Variants in KCNA2 observed in about 807,000 individuals in gnomAD.
KCNA2 encodes the protein potassium voltage-gated channel subfamily A member 2.
In KCNA2, 11 loss-of-function variants were observed where a neutral mutation model predicts 33.4. The ratio of observed to expected loss-of-function variants is 0.33; its 90% CI spans 0.21 to 0.55. The LOEUF is 0.55. KCNA2 is among the 20% of genes least tolerant of loss of function. The probability of loss-of-function intolerance (pLI) is 0.93; values close to 1 mark genes in which losing one functional copy is unlikely to be tolerated. For synonymous variants in KCNA2, 222 were observed against 231.3 expected (o/e 0.96, Z 0.37); for missense variants, 291 against 621.6 (o/e 0.47, Z 5.66).
rs1649266375 is a variant in KCNA2, at chr1:110,599,988, G to C, written c.*3295C>G. ...TCTTAGTCAGATATCTGCTTGATGT[G>C]GTGGCCCATCCTCCTGCTTGAAACC... On this transcript the variant is annotated 3_prime_UTR_variant, in exon 3 of 3. Coordinates refer to ENST00000316361, the MANE Select transcript of KCNA2 (RefSeq NM_004974.4). The C allele has an allele frequency of 2.0e-6, 2 of 985,110 alleles. No individual in the cohort carries two copies. Among genetic ancestry groups the C allele is most frequent in the South Asian group, 4.7e-5 (1 of 21,284 alleles). 61.0% of individuals were successfully genotyped at this position (985,110 alleles called of 1,614,324 possible).
At position 110,605,538 on chromosome 1, in the gene KCNA2, C is replaced by T. The variant is rs1479127648; in HGVS notation, c.-311G>A. ...GAGTCATTCTGGGCAGAAGGGCAGA[C>T]TCTGGGTCCTGGAGGTGAGCTCTAG... On this transcript the variant is annotated 5_prime_UTR_variant, in exon 2 of 3. Coordinates refer to ENST00000316361, the MANE Select transcript of KCNA2 (RefSeq NM_004974.4). The T allele has an allele frequency of 6.6e-6, 1 of 152,558 alleles. No individual in the cohort carries two copies. The highest frequency in any genetic ancestry group is 1.5e-5 in the Non-Finnish European group (1 of 68,282). 9.5% of individuals were successfully genotyped at this position (152,558 alleles called of 1,614,324 possible).
intron 1 of KCNA2, among the ~76,000 whole-genome samples, chr1:110,615,645 C>T (rs1230370376): frequency 1.3e-5 from 2 of 152,176 alleles, no homozygotes; most frequent in Admixed American, 6.5e-5. Context: ...TTTGGTGCTT[C>T]GATCGACCCA....
At chr1:110,606,997 G>A (rs67988745), upstream of KCNA2, 24,946 of 152,656 alleles carry the variant, frequency 0.16, 2,721 homozygotes, top group East Asian at 0.37. Context: ...CCTCCGCCCC[G>A]CGCCACGCAA....
rs1017816495 is a variant in KCNA2, at chr1:110,603,287, A to C, written c.1496T>G (p.Val499Gly). The stretch of plus-strand genomic sequence containing the variant: ...GAGTACGGTAATAGGTTTCAATCAG[A>C]CATCAGTTAACATTTTGGTAATATT... The part of the protein sequence containing the change: ...YVNITKMLTD[V>G] Residue 499 changes from valine (V) to glycine (G), a missense_variant, in exon 3 of 3, where the codon GTC becomes GGC. Transcript: ENST00000316361. This position sits in a 1 kb window ranked among gnomAD's most constrained non-coding sequence, Gnocchi z 5.7. 8 of 1,600,168 alleles carry C rather than the reference A, an allele frequency of 5.0e-6. No homozygotes were observed. Among genetic ancestry groups the C allele is most frequent in the Non-Finnish European group, 6.8e-6 (8 of 1,173,524 alleles).
Position 110,598,897 on chromosome 1 carries a change from A to G in KCNA2, c.*4386T>C, listed in dbSNP as rs554360760. 1.0e-6 allele frequency: 1 copy of G among 985,374 alleles called. No homozygotes were observed. The highest frequency in any genetic ancestry group is 1.1e-4 in the East Asian group (1 of 8,812). The allele number at this position is 985,374 out of a possible 1,614,324, so 61.0% of individuals were successfully genotyped here. Reference sequence around the variant, plus strand: ...CACTCAGCCACTCTCTCTTCCTGACAATCTCTCCACCTTTCCTGGGCCTAT... The same window carrying G: ...CACTCAGCCACTCTCTCTTCCTGACGATCTCTCCACCTTTCCTGGGCCTAT... On this transcript the variant is annotated 3_prime_UTR_variant, in exon 3 of 3. Coordinates refer to ENST00000316361, the MANE Select transcript of KCNA2 (RefSeq NM_004974.4).
chr1:110,607,073 T>C (rs1206165899), upstream of KCNA2, among the ~76,000 whole-genome samples: 3 of 151,766 alleles, frequency 2.0e-5, no homozygotes, highest in Non-Finnish European at 4.4e-5. Flanking sequence ...CCCCTTGATC[T>C]CCCCGGTCTG....
At chr1:110,615,041 AG>A (rs1226013741) in intron 1 of KCNA2, among the ~76,000 whole-genome samples, 1 of 152,244 alleles carries the variant, frequency 6.6e-6, no homozygotes, top group Non-Finnish European at 1.5e-5. Context: ...GAGTCCAAGA[AG>A]GGTCATTACA....
rs1306003486 is a variant in KCNA2, at chr1:110,597,839, TGA to T, written c.*5442_*5443del. ...TTTAAAAATATTCAAACACAAACTA[TGA>T]GAGATGAAGCTGAGATTTGGTGGGA... On this transcript the variant is annotated 3_prime_UTR_variant, in exon 3 of 3. Transcript: ENST00000316361. The T allele has an allele frequency of 1.0e-6, 1 of 984,856 alleles. No individual in the cohort carries two copies. Among genetic ancestry groups the T allele is most frequent in the East Asian group, 1.1e-4 (1 of 8,808 alleles). The allele number at this position is 984,856 out of a possible 1,614,324, so 61.0% of individuals were successfully genotyped here.
chr1:110,609,564 A>C (rs1649801208), upstream of KCNA2, among the ~76,000 whole-genome samples: 1 of 152,194 alleles, frequency 6.6e-6, no homozygotes, highest in African/African-American at 2.4e-5. Context: ...CACACTGTGC[A>C]GGTGGAATGA....
rs890433637 is a variant in KCNA2 at position 110,600,096 on chromosome 1, T to C, written c.*3187A>G. 27 of 984,876 alleles carry C rather than the reference T, an allele frequency of 2.7e-5. No individual in the cohort carries two copies. The highest frequency in any genetic ancestry group is 9.4e-5 in the South Asian group (2 of 21,244). The allele number at this position is 984,876 out of a possible 1,614,324, so 61.0% of individuals were successfully genotyped here. On this transcript the variant is annotated 3_prime_UTR_variant, in exon 3 of 3. Coordinates refer to ENST00000316361, the MANE Select transcript of KCNA2 (RefSeq NM_004974.4). ...ATTCCTTGAAAGATCCTGGGGGATA[T>C]AGACACAGGCCAGGCAAAGGTGATT...
At chr1:110,620,089 TGAGTGA>T (rs1557739438) in intron 1 of KCNA2, among the ~76,000 whole-genome samples, 3 of 100,804 alleles carry the variant, frequency 3.0e-5, no homozygotes, top group Non-Finnish European at 4.6e-5. Flanking sequence ...AGAGAGAGAG[TGAGTGA>T]GAGAGAGAGA....
At position 110,598,516 on chromosome 1, in the gene KCNA2, A is replaced by C; in HGVS notation, c.*4767T>G. 1.0e-6 allele frequency: 1 copy of C among 985,378 alleles called. No individual in the cohort carries two copies. Among genetic ancestry groups the C allele is most frequent in the Non-Finnish European group, 1.2e-6 (1 of 829,932 alleles). 61.0% of individuals were successfully genotyped at this position (985,378 alleles called of 1,614,324 possible). A position where few individuals can be genotyped will look rare whatever the true frequency, so the allele number is the denominator to read the frequency against. ...ATACTGATAGAGTCCTCACTATAAT[A>C]TAGTGAGAGATCCAGGAAGAATAGG... is the stretch of plus-strand genomic sequence containing the variant. On this transcript the variant is annotated 3_prime_UTR_variant, in exon 3 of 3. Transcript: ENST00000316361.
chr1:110,621,615 A>G (rs1357611196), intron 1 of KCNA2, among the ~76,000 whole-genome samples: 1 of 152,210 alleles, frequency 6.6e-6, no homozygotes, highest in African/African-American at 2.4e-5. Context: ...TAACCAGAAA[A>G]AAAGAGAAAT....
At chr1:110,612,188 G>A (rs959197542) in intron 1 of KCNA2, among the ~76,000 whole-genome samples, 1 of 152,188 alleles carries the variant, frequency 6.6e-6, no homozygotes, top group African/African-American at 2.4e-5. Context: ...CAAGGTGGTG[G>A]AAGTACAGTC....
At position 110,597,839 on chromosome 1, in the gene KCNA2, T is replaced by C. The variant is rs1649164399; in HGVS notation, c.*5444A>G. 1.0e-6 allele frequency: 1 copy of C among 984,974 alleles called. No individual in the cohort carries two copies. The highest frequency in any genetic ancestry group is 1.2e-6 in the Non-Finnish European group (1 of 829,702). The allele number at this position is 984,974 out of a possible 1,614,324, so 61.0% of individuals were successfully genotyped here. On this transcript the variant is annotated 3_prime_UTR_variant, in exon 3 of 3. Coordinates refer to ENST00000316361, the MANE Select transcript of KCNA2 (RefSeq NM_004974.4). Reference sequence around the variant, plus strand: ...TTTAAAAATATTCAAACACAAACTATGAGAGATGAAGCTGAGATTTGGTGG... The same window carrying C: ...TTTAAAAATATTCAAACACAAACTACGAGAGATGAAGCTGAGATTTGGTGG...
At chr1:110,615,271 A>G (rs888627151) in intron 1 of KCNA2, among the ~76,000 whole-genome samples, 1 of 152,200 alleles carries the variant, frequency 6.6e-6, no homozygotes, top group Non-Finnish European at 1.5e-5. Context: ...GTAGAATTAG[A>G]GGCATGAAAG....
Position 110,602,088 on chromosome 1 carries a change from T to A in KCNA2, c.*1195A>T, listed in dbSNP as rs1329696449. ...CTGTACAGTCATGCCCGCGACTAGGTTAATTCCTAAGGTGCAGTCATGTGA... is the reference window on the plus strand; with the variant it reads ...CTGTACAGTCATGCCCGCGACTAGGATAATTCCTAAGGTGCAGTCATGTGA... On this transcript the variant is annotated 3_prime_UTR_variant, in exon 3 of 3. Coordinates refer to ENST00000316361, the MANE Select transcript of KCNA2 (RefSeq NM_004974.4). 2 of 1,550,370 alleles carry A rather than the reference T, an allele frequency of 1.3e-6. No individual in the cohort carries two copies. Among genetic ancestry groups the A allele is most frequent in the African/African-American group, 1.4e-5 (1 of 73,014 alleles).
Position 110,602,149 on chromosome 1 carries a change from G to A in KCNA2, c.*1134C>T. On this transcript the variant is annotated 3_prime_UTR_variant, in exon 3 of 3. Transcript: ENST00000316361. ...TGCTGCCTTCCCCGCTTACTCTTCT[G>A]GCTTTGCAGAGGTCTGCGTTCCTGT... 1.3e-6 allele frequency: 2 copies of A among 1,550,530 alleles called. No individual in the cohort carries two copies. Among genetic ancestry groups the A allele is most frequent in the Non-Finnish European group, 1.7e-6 (2 of 1,146,996 alleles).
At chr1:110,618,010 A>G (rs1051903542) in intron 1 of KCNA2, among the ~76,000 whole-genome samples, 1 of 152,134 alleles carries the variant, frequency 6.6e-6, no homozygotes, top group Non-Finnish European at 1.5e-5. Flanking sequence ...AAGGGTGAGA[A>G]TGAGATCCCC....
Sources: gnomAD v4.1 joint callset for allele counts (sites outside exome capture counted in the v4.1 genomes callset) on GRCh38, gnomAD v4.1.1 for gene constraint, Gnocchi (gnomAD v3.1) non-coding constraint, MANE v1.5 for transcripts, NCBI Gene and HGNC (gene_info 2026-07-23, HGNC 2026-07-21) for gene names.